Variants in LARP4B observed in about 807,000 individuals in gnomAD.
LARP4B encodes the protein la-related protein 4B.
A neutral mutation model predicts 89.8 loss-of-function variants in LARP4B; 12 were observed. The ratio of observed to expected loss-of-function variants is 0.13; its 90% CI spans 0.09 to 0.22. The LOEUF (loss-of-function observed/expected upper bound fraction) is 0.22, where lower values mean the gene tolerates loss of function less well. Among genes scored for constraint, LARP4B ranks in the 10% least tolerant of loss-of-function variants. The pLI, the probability that LARP4B is intolerant of heterozygous loss-of-function variation, is 1.00. For synonymous variants in LARP4B, 367 were observed against 363.3 expected (o/e 1.01, Z -0.12); for missense variants, 757 against 947.7 (o/e 0.80, Z 2.64).
chr10:852,401 C>T (rs1315959047), intron 5 of LARP4B, among the ~76,000 whole-genome samples: 6 of 152,156 alleles, frequency 3.9e-5, no homozygotes, highest in Admixed American at 2.6e-4. Context: ...AAATATATGC[C>T]CATCTCCATA....
At chr10:875,794 C>T (rs1325151809) in intron 3 of LARP4B, among the ~76,000 whole-genome samples, 1 of 152,160 alleles carries the variant, frequency 6.6e-6, no homozygotes, top group African/African-American at 2.4e-5. Flanking sequence ...TGCTGCTGCA[C>T]GGCGGACTGA....
At chr10:816,434 A>G (rs1349996048) in intron 15 of LARP4B, among the ~76,000 whole-genome samples, 1 of 152,226 alleles carries the variant, frequency 6.6e-6, no homozygotes, top group Non-Finnish European at 1.5e-5. Flanking sequence ...GAAGCTCCCA[A>G]GAAGCAGCAA....
At chr10:909,238 G>A (rs1053547216) in intron 1 of LARP4B, among the ~76,000 whole-genome samples, 21 of 148,542 alleles carry the variant, frequency 1.4e-4, no homozygotes, top group African/African-American at 4.5e-4. Flanking sequence ...AGCTTGCGGT[G>A]AGCCGAGATC....
rs902192073 is a variant in LARP4B, at chr10:900,725, T to C, written c.-39-14965A>G. On this transcript the variant is annotated intron_variant, in intron 1 of 17. Transcript: ENST00000316157. ...ACCCCTGCCTCCCGAGTTCAAGCGA[T>C]TCTCCTGCCTCAGCCTCTCGAGTAG... is the stretch of plus-strand genomic sequence containing the variant. Among the ~76,000 whole-genome samples, 33 of 148,994 alleles carry C rather than the reference T, an allele frequency of 2.2e-4. 1 individual carries two copies. Among genetic ancestry groups the C allele is most frequent in the South Asian group, 8.6e-4 (4 of 4,674 alleles).
At position 812,896 on chromosome 10, in the gene LARP4B, G is replaced by A. The variant is rs375228225; in HGVS notation, c.*30C>T. ...GTGTCTCGTTTGTGGTTAACACAGC[G>A]CTCTGCGACCCCTCCCAGACGTACG... On this transcript the variant is annotated 3_prime_UTR_variant, in exon 18 of 18. Transcript: ENST00000316157. 7.5e-5 allele frequency: 113 copies of A among 1,511,448 alleles called. No individual in the cohort carries two copies. In the African/African-American group the frequency reaches 1.1e-3, roughly 15 times the overall value. 93.6% of individuals were successfully genotyped at this position (1,511,448 alleles called of 1,614,324 possible). A position where few individuals can be genotyped will look rare whatever the true frequency, so the allele number is the denominator to read the frequency against.
the LARP4B span, among the ~76,000 whole-genome samples, chr10:955,083 C>G: frequency 9.2e-3 from 960 of 104,626 alleles, 1 homozygote; most frequent in Middle Eastern, 0.025. The surrounding 1 kb of genome is among the most constrained non-coding windows in gnomAD (Gnocchi z 5.2). Context: ...TCCCATCCAC[C>G]CTTCCCCAGG....
intron 7 of LARP4B, among the ~76,000 whole-genome samples, chr10:841,025 C>T (rs926796432): frequency 2.0e-5 from 3 of 152,076 alleles, no homozygotes; most frequent in Admixed American, 6.6e-5. Flanking sequence ...TGGTGGTGCA[C>T]GCTTGTAATG....
intron 7 of LARP4B, among the ~76,000 whole-genome samples, chr10:836,913 G>A (rs1370716225): frequency 6.6e-6 from 1 of 152,210 alleles, no homozygotes; most frequent in Non-Finnish European, 1.5e-5. Context: ...TGTGACTGCA[G>A]TAATAGGCCT....
the LARP4B span, among the ~76,000 whole-genome samples, chr10:974,940 G>A: frequency 5.3e-5 from 8 of 152,332 alleles, no homozygotes; most frequent in Non-Finnish European, 8.8e-5. Context: ...GGAAAGTAGC[G>A]GTGGGGGTGG....
chr10:969,324 C>T, the LARP4B span, among the ~76,000 whole-genome samples: 1 of 152,192 alleles, frequency 6.6e-6, no homozygotes, highest in Admixed American at 6.5e-5. Flanking sequence ...ACTTTGAATT[C>T]AGCTGCTGCG....
intron 1 of LARP4B, among the ~76,000 whole-genome samples, chr10:889,903 A>C (rs1191391437): frequency 6.6e-6 from 1 of 152,134 alleles, no homozygotes; most frequent in Non-Finnish European, 1.5e-5. Flanking sequence ...GATCGCCCCT[A>C]AACATACTCT....
intron 1 of LARP4B, among the ~76,000 whole-genome samples, chr10:900,402 G>A (rs2131984152): frequency 7.1e-6 from 1 of 141,634 alleles, no homozygotes; most frequent in African/African-American, 2.6e-5. Flanking sequence ...AGCATTCTAG[G>A]ATCGGAAAGA....
the LARP4B span, among the ~76,000 whole-genome samples, chr10:968,950 C>T: frequency 1.7e-4 from 26 of 152,196 alleles, no homozygotes; most frequent in East Asian, 1.9e-4. Flanking sequence ...GTGCATTCCC[C>T]GGAACAACAG....
the LARP4B span, among the ~76,000 whole-genome samples, chr10:960,381 C>T: frequency 1.3e-5 from 2 of 152,014 alleles, no homozygotes; most frequent in African/African-American, 4.8e-5. Flanking sequence ...CCAGTGTAAA[C>T]TGCGGACTAA....
chr10:858,788 TC>T (rs1834437495), intron 5 of LARP4B, among the ~76,000 whole-genome samples: 1 of 152,188 alleles, frequency 6.6e-6, no homozygotes, highest in African/African-American at 2.4e-5. Flanking sequence ...GTGCTTGGCA[TC>T]ACTAACCATT....
chr10:866,894 C>A (rs948479944), intron 3 of LARP4B, among the ~76,000 whole-genome samples: 1 of 152,208 alleles, frequency 6.6e-6, no homozygotes, highest in African/African-American at 2.4e-5. Context: ...CCGTGGCCCT[C>A]GTGTTCCTCC....
At chr10:905,322 C>T (rs12770190) in intron 1 of LARP4B, among the ~76,000 whole-genome samples, 23,016 of 152,220 alleles carry the variant, frequency 0.15, 1,886 homozygotes, top group Non-Finnish European at 0.17. Flanking sequence ...TTATTTTACA[C>T]ATGCATTAAT....
chr10:846,290 G>A (rs931264068), intron 5 of LARP4B, among the ~76,000 whole-genome samples: 3 of 152,218 alleles, frequency 2.0e-5, no homozygotes, highest in South Asian at 2.1e-4. Flanking sequence ...CACTCTGGTG[G>A]GAGAGGCAGA....
At chr10:974,013 C>G in the LARP4B span, among the ~76,000 whole-genome samples, 1 of 152,156 alleles carries the variant, frequency 6.6e-6, no homozygotes, top group African/African-American at 2.4e-5. Context: ...CTTCAAAACT[C>G]CCAAGGATGG....
Sources: gnomAD v4.1 joint callset for allele counts (sites outside exome capture counted in the v4.1 genomes callset) on GRCh38, gnomAD v4.1.1 for gene constraint, Gnocchi (gnomAD v3.1) non-coding constraint, MANE v1.5 for transcripts, NCBI Gene and HGNC (gene_info 2026-07-23, HGNC 2026-07-21) for gene names.